The following ZDHHC11B variants were observed in gnomAD, a reference collection of about 807,000 sequenced individuals.
ZDHHC11B encodes the protein probable palmitoyltransferase ZDHHC11B.
In ZDHHC11B, 17 loss-of-function variants were observed where a neutral mutation model predicts 42.3. The observed-to-expected ratio is 0.40, with a 90% CI of 0.27 to 0.60. ZDHHC11B has a LOEUF of 0.60. Among genes scored for constraint, ZDHHC11B ranks in the 20% least tolerant of loss-of-function variants. The pLI is 0.41. For missense variants in ZDHHC11B, 262 were observed against 463.2 expected (o/e 0.57, Z 3.99); for synonymous variants, 123 against 193.5 (o/e 0.64, Z 3.02).
intron 12 of ZDHHC11B, among the ~76,000 whole-genome samples, chr5:721,375 T>TATAG (rs912964840): frequency 9.9e-5 from 15 of 151,654 alleles, no homozygotes; most frequent in Admixed American, 3.9e-4. Flanking sequence ...ACATTATATA[T>TATAG]ATAGATAGAT....
At chr5:745,952 G>A (rs1334159954) in intron 8 of ZDHHC11B, among the ~76,000 whole-genome samples, 2 of 149,558 alleles carry the variant, frequency 1.3e-5, no homozygotes, top group African/African-American at 4.9e-5. Context: ...GCTGAGACAG[G>A]TCACCATCCC....
Position 762,593 on chromosome 5 carries a change from G to A in ZDHHC11B, c.222+4105C>T, listed in dbSNP as rs549790838. ...CCCTTGAATCACTAAGCCAGATGGG[G>A]TGGTTGAATGAGAGGCCAAAAGCCT... On this transcript the variant is annotated intron_variant, in intron 4 of 13. Coordinates refer to ENST00000508859, the MANE Select transcript of ZDHHC11B (RefSeq NM_001351303.2). Among the ~76,000 whole-genome samples the A allele has an allele frequency of 2.6e-5, 4 of 151,922 alleles. No individual in the cohort carries two copies. In the East Asian group the frequency reaches 5.8e-4, roughly 22 times the overall value.
chr5:780,454 C>G (rs1471042442), intron 1 of ZDHHC11B, among the ~76,000 whole-genome samples: 128 of 151,226 alleles, frequency 8.5e-4, no homozygotes, highest in Non-Finnish European at 1.5e-3. Flanking sequence ...ACGGACCACT[C>G]GCGCACACTA....
intron 4 of ZDHHC11B, among the ~76,000 whole-genome samples, chr5:765,694 A>G (rs1735207227): frequency 6.6e-6 from 1 of 151,896 alleles, no homozygotes; most frequent in Admixed American, 6.6e-5. Flanking sequence ...CACTGCCTTT[A>G]TGAGCTCTAA....
At chr5:713,182 A>G (rs1329715507) in intron 13 of ZDHHC11B, among the ~76,000 whole-genome samples, 17 of 151,674 alleles carry the variant, frequency 1.1e-4, no homozygotes, top group Middle Eastern at 3.4e-3. Context: ...CACATTTTGC[A>G]TTTCTGTCAC....
Position 714,839 on chromosome 5 carries a change from G to A in ZDHHC11B, c.*7+1962C>T, listed in dbSNP as rs558860930. Among the ~76,000 whole-genome samples the A allele has an allele frequency of 1.3e-4, 20 of 150,798 alleles. No individual in the cohort carries two copies. The East Asian group carries it at 3.9e-3, about 29-fold the overall frequency. On this transcript the variant is annotated intron_variant, in intron 13 of 13. Transcript: ENST00000508859. ...CTCATAGGACGTGTTTGTGTCATGG[G>A]GCTGGACCCCCTATGAACAGATTAA... is the stretch of plus-strand genomic sequence containing the variant.
chr5:728,641 A>G (rs1742771347), intron 12 of ZDHHC11B, among the ~76,000 whole-genome samples: 1 of 152,006 alleles, frequency 6.6e-6, no homozygotes, highest in Non-Finnish European at 1.5e-5. Context: ...TTTAACCTAT[A>G]CTATCATCTT....
At chr5:770,215 C>G (rs1403654676) in intron 1 of ZDHHC11B, among the ~76,000 whole-genome samples, 1 of 150,534 alleles carries the variant, frequency 6.6e-6, no homozygotes, top group Non-Finnish European at 1.5e-5. Flanking sequence ...AGCACCAGGA[C>G]GTGGCGAGGG....
intron 6 of ZDHHC11B, among the ~76,000 whole-genome samples, chr5:752,142 G>C (rs1190771733): frequency 1.7e-5 from 2 of 118,478 alleles, no homozygotes; most frequent in African/African-American, 5.4e-5. Context: ...GCTGGGCAAA[G>C]GCACTGAAGC....
intron 3 of ZDHHC11B, 118 bp from the exon 4 acceptor site, chr5:767,037 C>A: frequency 7.7e-7 from 1 of 1,293,250 alleles, no homozygotes; most frequent in Non-Finnish European, 1.1e-6. Flanking sequence ...CACTGACAGC[C>A]AATGGCCCAG....
chr5:747,576 C>A (rs1322561442), intron 8 of ZDHHC11B: 1 of 138,720 alleles, frequency 7.2e-6, no homozygotes, highest in African/African-American at 3.2e-5. Context: ...GCGTTCTTGC[C>A]ACAACTGCAG....
chr5:766,122 C>T (rs1735306703), intron 4 of ZDHHC11B, among the ~76,000 whole-genome samples: 1 of 151,850 alleles, frequency 6.6e-6, no homozygotes, highest in Non-Finnish European at 1.5e-5. Context: ...CCACATGCCC[C>T]ATGGACATGC....
At chr5:764,059 C>G (rs947445335) in intron 4 of ZDHHC11B, among the ~76,000 whole-genome samples, 2 of 151,978 alleles carry the variant, frequency 1.3e-5, no homozygotes, top group Non-Finnish European at 2.9e-5. Context: ...GGCACTCAGG[C>G]TGGCAGGCTG....
At chr5:766,235 C>T (rs1363509376) in intron 4 of ZDHHC11B, among the ~76,000 whole-genome samples, 1 of 151,868 alleles carries the variant, frequency 6.6e-6, no homozygotes, top group Non-Finnish European at 1.5e-5. Context: ...TGCAGGTCCC[C>T]TACCCACTGG....
In ZDHHC11B at chr5:718,067, A is replaced by T. The variant is rs1561112774; in HGVS notation, c.1059-1202T>A. On this transcript the variant is annotated intron_variant, in intron 12 of 13. Coordinates refer to ENST00000508859, the MANE Select transcript of ZDHHC11B (RefSeq NM_001351303.2). Reference sequence around the variant, plus strand: ...CACCAAATGAATCCAAAAATTACTGAGAATAAAAAGAAAAGAAAATATTAA... The same window carrying T: ...CACCAAATGAATCCAAAAATTACTGTGAATAAAAAGAAAAGAAAATATTAA... Among the ~76,000 whole-genome samples, 3 of 152,040 alleles carry T rather than the reference A, an allele frequency of 2.0e-5. 1 individual carries two copies. In the East Asian group the frequency reaches 5.8e-4, roughly 29 times the overall value.
At chr5:727,729 T>C (rs2126990635) in intron 12 of ZDHHC11B, among the ~76,000 whole-genome samples, 1 of 145,370 alleles carries the variant, frequency 6.9e-6, no homozygotes, top group South Asian at 2.3e-4. Flanking sequence ...TGGTAACCAT[T>C]ACTTAAGTCT....
intron 4 of ZDHHC11B, among the ~76,000 whole-genome samples, chr5:765,743 G>A (rs1457824378): frequency 1.7e-4 from 26 of 151,978 alleles, no homozygotes; most frequent in Non-Finnish European, 3.2e-4. Context: ...TCCTGAACCA[G>A]GGATACCCCA....
chr5:715,383 G>A (rs1248879290), intron 13 of ZDHHC11B, among the ~76,000 whole-genome samples: 4 of 151,340 alleles, frequency 2.6e-5, no homozygotes, highest in Non-Finnish European at 5.9e-5. Context: ...AATGGTGGGA[G>A]GAGCACGTAG....
intron 1 of ZDHHC11B, among the ~76,000 whole-genome samples, chr5:776,910 C>G (rs7735694): frequency 0.35 from 51,550 of 147,080 alleles, 6,349 homozygotes; most frequent in East Asian, 0.45. Flanking sequence ...GCGGGACTCT[C>G]CCTGTGAACC....
Sources: allele counts gnomAD v4.1 joint callset (sites outside exome capture counted in the v4.1 genomes callset), GRCh38; gene constraint gnomAD v4.1.1; transcripts MANE v1.5; gene names NCBI Gene and HGNC (gene_info 2026-07-23, HGNC 2026-07-21).